The following IL5RA variants were observed in gnomAD, a reference collection of about 807,000 sequenced individuals.
The protein encoded by IL5RA is interleukin 5 receptor subunit alpha.
A neutral mutation model predicts 50.0 loss-of-function variants in IL5RA; 49 were observed. The observed-to-expected ratio is 0.98, with a 90% CI of 0.78 to 1.24. IL5RA has a LOEUF of 1.24. Among genes scored for constraint, IL5RA ranks in the 50% most tolerant of loss-of-function variants. The pLI, the probability that IL5RA is intolerant of heterozygous loss-of-function variation, is 0.00. For synonymous variants in IL5RA, 202 were observed against 174.0 expected (o/e 1.16, Z -1.26); for missense variants, 600 against 500.4 (o/e 1.20, Z -1.90).
intron 11 of IL5RA, among the ~76,000 whole-genome samples, chr3:3,072,674 C>T (rs1465795977): frequency 6.6e-6 from 1 of 152,146 alleles, no homozygotes; most frequent in East Asian, 1.9e-4. Flanking sequence ...AATCCCAGCA[C>T]TTTGGGAAGG....
chr3:3,086,857 C>T (rs11718353), intron 9 of IL5RA, among the ~76,000 whole-genome samples: 36,572 of 152,028 alleles, frequency 0.24, 4,583 homozygotes, highest in African/African-American at 0.27. Flanking sequence ...ATGTGGTAAA[C>T]ATACACAATG....
chr3:3,100,936 C>A (rs988225593), intron 5 of IL5RA, among the ~76,000 whole-genome samples: 2 of 151,180 alleles, frequency 1.3e-5, no homozygotes, highest in African/African-American at 4.9e-5. Context: ...GGCTGGAGGC[C>A]AGGAGATCGA....
At chr3:3,090,603 A>G (rs1559869295) in intron 9 of IL5RA, among the ~76,000 whole-genome samples, 1 of 113,180 alleles carries the variant, frequency 8.8e-6, no homozygotes, top group African/African-American at 3.7e-5. Flanking sequence ...GTCTCACTCT[A>G]TTGCCCGGGC....
intron 9 of IL5RA, among the ~76,000 whole-genome samples, chr3:3,090,631 A>G (rs1703052664): frequency 7.4e-6 from 1 of 135,686 alleles, no homozygotes; most frequent in South Asian, 2.2e-4. Flanking sequence ...CAGTGGTGCG[A>G]TCTCGGCTCA....
chr3:3,091,504 G>A (rs374176509), intron 9 of IL5RA, among the ~76,000 whole-genome samples: 85 of 152,220 alleles, frequency 5.6e-4, no homozygotes, highest in African/African-American at 1.9e-3. Context: ...GGCTGAGGCC[G>A]GTGGATCACC....
At chr3:3,075,270 G>A (rs1412180676) in intron 10 of IL5RA, among the ~76,000 whole-genome samples, 2 of 123,906 alleles carry the variant, frequency 1.6e-5, no homozygotes, top group African/African-American at 6.4e-5. Flanking sequence ...TGGCGCCATC[G>A]TGGCTTATTG....
chr3:3,069,630 T>TTC lies in IL5RA; in HGVS notation c.*593_*594dup, dbSNP rs59813986. 28,382 of 146,940 alleles carry TTC rather than the reference T, an allele frequency of 0.19. 2,767 individuals carry two copies. Among genetic ancestry groups the TTC allele is most frequent in the Non-Finnish European group, 0.22 (14,799 of 66,974 alleles). 9.1% of individuals were successfully genotyped at this position (146,940 alleles called of 1,614,324 possible). A position where few individuals can be genotyped will look rare whatever the true frequency, so the allele number is the denominator to read the frequency against. ...TCAGGCCTCTGGAGCTTGAGATAAT[T>TTC]TCTCTCTCTCTCTCTCTCTCTCTCT... On this transcript the variant is annotated 3_prime_UTR_variant, in exon 12 of 12. Coordinates refer to ENST00000446632, the MANE Select transcript of IL5RA (RefSeq NM_175726.4).
In IL5RA at chr3:3,074,900, A is replaced by G. The variant is rs766820017; in HGVS notation, c.1092-34T>C. On this transcript the variant is annotated intron_variant, in intron 10 of 11. Coordinates refer to ENST00000446632, the MANE Select transcript of IL5RA (RefSeq NM_175726.4). ...AGAGTAAAGAAGGAATTAGGTGAGC[A>G]TGAGTATACCTTTTGTCTCTAAATA... The G allele has an allele frequency of 2.9e-5, 37 of 1,274,980 alleles. No homozygotes were observed. The East Asian group carries it at 8.1e-4, about 28-fold the overall frequency. 79.0% of individuals were successfully genotyped at this position (1,274,980 alleles called of 1,614,324 possible).
At chr3:3,071,104 T>A (rs939909740) in intron 11 of IL5RA, among the ~76,000 whole-genome samples, 1 of 152,226 alleles carries the variant, frequency 6.6e-6, no homozygotes, top group Non-Finnish European at 1.5e-5. Context: ...AAATTGCCTG[T>A]AAGAGATCCT....
Position 3,090,192 on chromosome 3 carries a change from T to A in IL5RA, c.994+2032A>T, listed in dbSNP as rs754781620. The A allele has an allele frequency of 1.9e-6, 3 of 1,610,586 alleles. No homozygotes were observed. The Admixed American group carries it at 5.0e-5, about 27-fold the overall frequency. On this transcript the variant is annotated intron_variant, in intron 9 of 11. Transcript: ENST00000446632. ...ACATGTAATCTGCTATCCCTGCTGT[T>A]GTTTTTATTTCAGATACGGTGTGGG... is the stretch of plus-strand genomic sequence containing the variant.
At chr3:3,107,261 TTG>T (rs1703969248) in intron 2 of IL5RA, among the ~76,000 whole-genome samples, 1 of 151,742 alleles carries the variant, frequency 6.6e-6, no homozygotes, top group Non-Finnish European at 1.5e-5. Flanking sequence ...TTTTTTTTTT[TTG>T]TGAGTCAGAT....
At chr3:3,090,162 A>G in intron 9 of IL5RA, 1 of 1,584,472 alleles carries the variant, frequency 6.3e-7, no homozygotes, top group African/African-American at 1.4e-5. Flanking sequence ...TAAAAATTAA[A>G]AAACACATGT....
At position 3,090,845 on chromosome 3, in the gene IL5RA, T is replaced by G. The variant is rs17879645; in HGVS notation, c.994+1379A>C. Among the ~76,000 whole-genome samples, 641 of 151,914 alleles carry G rather than the reference T, an allele frequency of 4.2e-3. 4 individuals carry two copies. The highest frequency in any genetic ancestry group is 0.015 in the African/African-American group (622 of 41,428). ...ATCTCGGCCTCCCAAAGTGCTGGGA[T>G]TACAGGAGTGAGCCACCACGCCCGG... On this transcript the variant is annotated intron_variant, in intron 9 of 11. Coordinates refer to ENST00000446632, the MANE Select transcript of IL5RA (RefSeq NM_175726.4).
intron 2 of IL5RA, among the ~76,000 whole-genome samples, chr3:3,107,419 C>T (rs1703979682): frequency 6.6e-6 from 1 of 151,222 alleles, no homozygotes; most frequent in Admixed American, 6.6e-5. Context: ...TCTCTTCAGG[C>T]CATTTCTTTA....
At chr3:3,101,958 GA>G (rs1296906952) in intron 4 of IL5RA, 128 bp from the exon 5 acceptor site, 10 of 864,142 alleles carry the variant, frequency 1.2e-5, no homozygotes, top group African/African-American at 5.2e-5. Context: ...AGTTTTGCTA[GA>G]AAAAAAGTCA....
chr3:3,083,378 G>A (rs145589797), intron 9 of IL5RA, among the ~76,000 whole-genome samples: 1 of 152,330 alleles, frequency 6.6e-6, no homozygotes, highest in African/African-American at 2.4e-5. Flanking sequence ...GTGGAACTGG[G>A]CTTGCATTAA....
At chr3:3,084,072 AG>A (rs1205625522) in intron 9 of IL5RA, among the ~76,000 whole-genome samples, 3 of 149,928 alleles carry the variant, frequency 2.0e-5, no homozygotes, top group African/African-American at 4.9e-5. Context: ...AAAAAAAAAA[AG>A]GTTTAGTCCT....
intron 11 of IL5RA, among the ~76,000 whole-genome samples, chr3:3,070,796 T>C (rs1702272269): frequency 6.6e-6 from 1 of 152,048 alleles, no homozygotes. Flanking sequence ...TTGGCCAGGC[T>C]GGTCTCGAAC....
intron 9 of IL5RA, among the ~76,000 whole-genome samples, chr3:3,077,957 T>G (rs573596154): frequency 5.7e-4 from 86 of 152,210 alleles, no homozygotes; most frequent in African/African-American, 2.0e-3. Flanking sequence ...TCCATTTAAC[T>G]AATATTTACT....
Sources: allele counts gnomAD v4.1 joint callset (sites outside exome capture counted in the v4.1 genomes callset), GRCh38; gene constraint gnomAD v4.1.1; transcripts MANE v1.5; gene names NCBI Gene and HGNC (gene_info 2026-07-23, HGNC 2026-07-21).